TRAF7: variants seen among roughly 807,000 people sequenced by gnomAD.
The protein encoded by TRAF7 is E3 ubiquitin-protein ligase TRAF7.
A neutral mutation model predicts 89.3 loss-of-function variants in TRAF7; 45 were observed. The observed-to-expected ratio is 0.50, with a 90% CI of 0.40 to 0.65. TRAF7 has a LOEUF of 0.65. Ranked by LOEUF, TRAF7 falls within the 30% of genes least tolerant of loss-of-function variation. The probability of loss-of-function intolerance (pLI) is 0.00; values close to 1 mark genes in which losing one functional copy is unlikely to be tolerated. For synonymous variants in TRAF7, 406 were observed against 369.2 expected (o/e 1.10, Z -1.14); for missense variants, 677 against 918.1 (o/e 0.74, Z 3.39).
Position 2,176,066 on chromosome 16 carries a change from C to G in TRAF7, c.1764C>G (p.Ser588=), listed in dbSNP as rs1027725870. ...ENLIHVWDIE[S]KEQVRTLTGH... is the part of the protein sequence containing the mutation. ...CCTCCCAGGTGTGGGACATTGAGTC[C>G]AAGGAGCAGGTGCGGACCCTCACGG... The change falls in exon 19 of 21, where the codon TCC becomes TCG. Residue 588 remains serine (S), a synonymous_variant. Coordinates refer to ENST00000326181, the MANE Select transcript of TRAF7 (RefSeq NM_032271.3). The G allele has an allele frequency of 6.2e-7, 1 of 1,609,022 alleles. No individual in the cohort carries two copies. Among genetic ancestry groups the G allele is most frequent in the Non-Finnish European group, 8.5e-7 (1 of 1,177,474 alleles).
chr16:2,175,040 G>A (rs1458463116), intron 14 of TRAF7, 71 bp from the exon 15 acceptor site: 4 of 1,599,490 alleles, frequency 2.5e-6, no homozygotes, highest in Admixed American at 1.7e-5. Flanking sequence ...CATGGACCTC[G>A]GGCCCTGCCA....
chr16:2,168,209 C>A lies in TRAF7; in HGVS notation c.231+41C>A. 1.3e-6 allele frequency: 2 copies of A among 1,533,620 alleles called. No homozygotes were observed. The highest frequency in any genetic ancestry group is 1.4e-5 in the African/African-American group (1 of 72,994). Reference sequence around the variant, plus strand: ...CAGGAGCCCGTGTGAGCCTCAGCCTCCCCCCATCCTCCCTCCTGGGGGAAC... The same window carrying A: ...CAGGAGCCCGTGTGAGCCTCAGCCTACCCCCATCCTCCCTCCTGGGGGAAC... On this transcript the variant is annotated intron_variant, in intron 4 of 20. Coordinates refer to ENST00000326181, the MANE Select transcript of TRAF7 (RefSeq NM_032271.3). The surrounding 1 kb of genome is among the most constrained non-coding windows in gnomAD (Gnocchi z 4.1).
chr16:2,171,116 GC>G (rs1399616878), intron 5 of TRAF7, 147 bp from the exon 6 acceptor site: 16 of 659,864 alleles, frequency 2.4e-5, no homozygotes, highest in Non-Finnish European at 3.4e-5. Context: ...CCCCGATCAA[GC>G]CCCCCAGCTC....
intron 20 of TRAF7, 21 bp downstream of exon 20, chr16:2,176,405 CCATT>C (rs2093136873): frequency 6.2e-7 from 1 of 1,610,714 alleles, no homozygotes; most frequent in Admixed American, 1.7e-5. Flanking sequence ...GTGGCTCAGG[CCATT>C]CAAAGGGGCT....
Position 2,168,007 on chromosome 16 carries a change from G to A in TRAF7, c.140-70G>A. The A allele has an allele frequency of 6.8e-7, 1 of 1,469,954 alleles. No homozygotes were observed. The highest frequency in any genetic ancestry group is 9.4e-7 in the Non-Finnish European group (1 of 1,065,550). The allele number at this position is 1,469,954 out of a possible 1,614,324, so 91.1% of individuals were successfully genotyped here. A position where few individuals can be genotyped will look rare whatever the true frequency, so the allele number is the denominator to read the frequency against. ...GGGGACCCACAGGGTCGGGTATCCA[G>A]CATGGGCCCCACCTCCCCCACATCT... On this transcript the variant is annotated intron_variant, in intron 3 of 20. Transcript: ENST00000326181. The surrounding 1 kb of genome is among the most constrained non-coding windows in gnomAD (Gnocchi z 4.1).
chr16:2,175,802 C>T (rs2141296593), intron 17 of TRAF7, 32 bp from the exon 18 acceptor site: 2 of 1,610,198 alleles, frequency 1.2e-6, no homozygotes, highest in East Asian at 2.2e-5. Context: ...AAGCACCTGG[C>T]CTGGGACCAA....
rs71384670 is a variant in TRAF7, at chr16:2,165,025, G to C, written c.82-854G>C. Among the ~76,000 whole-genome samples, 158 of 108,430 alleles carry C rather than the reference G, an allele frequency of 1.5e-3. 1 individual carries two copies. The highest frequency in any genetic ancestry group is 1.8e-3 in the Non-Finnish European group (102 of 58,022). 71.1% of individuals were successfully genotyped at this position (108,430 alleles called of 152,430 possible). A position where few individuals can be genotyped will look rare whatever the true frequency, so the allele number is the denominator to read the frequency against. ...GCCTGGCCTGGTCGCATGGTTAAGC[G>C]TGTGAGTGCTGCATGGCCTGGCCTG... On this transcript the variant is annotated intron_variant, in intron 2 of 20. Coordinates refer to ENST00000326181, the MANE Select transcript of TRAF7 (RefSeq NM_032271.3).
At chr16:2,160,069 C>G (rs538970617) in intron 1 of TRAF7, among the ~76,000 whole-genome samples, 12 of 152,298 alleles carry the variant, frequency 7.9e-5, no homozygotes, top group African/African-American at 2.9e-4. Context: ...CGAAGAGGGG[C>G]TGGGGTGGAG....
At chr16:2,155,914 G>A (rs1460361786) in intron 1 of TRAF7, 56 bp downstream of exon 1, 2 of 150,172 alleles carry the variant, frequency 1.3e-5, no homozygotes, top group Non-Finnish European at 3.0e-5. Context: ...ACCGCGCGGT[G>A]GGGCGGGATC....
In TRAF7 at chr16:2,164,139, GGTGTGTGTGT is replaced by G. The variant is rs376580813; in HGVS notation, c.81+150_81+159del. 52 of 544,444 alleles carry G rather than the reference GGTGTGTGTGT, an allele frequency of 9.6e-5. 1 individual carries two copies. Among genetic ancestry groups the G allele is most frequent in the South Asian group, 6.4e-4 (29 of 45,022 alleles). 33.7% of individuals were successfully genotyped at this position (544,444 alleles called of 1,614,324 possible). On this transcript the variant is annotated intron_variant, in intron 2 of 20. Coordinates refer to ENST00000326181, the MANE Select transcript of TRAF7 (RefSeq NM_032271.3). ...AGGGGAGCTCGGTGGGGGGGGGTGT[GGTGTGTGTGT>G]GTGTGTGTGTGCGCGCGCGCGCGCG...
rs1388017639 is a variant in TRAF7 at position 2,159,051 on chromosome 16, C to G, written c.-39+3193C>G. Among the ~76,000 whole-genome samples the G allele has an allele frequency of 2.0e-5, 3 of 152,220 alleles. No homozygotes were observed. The highest frequency in any genetic ancestry group is 4.4e-5 in the Non-Finnish European group (3 of 68,038). ...GGAAAAAAGGACTGAGAGATGTTGC[C>G]AGCCCCCAAGGGGTCGGAGGGGCAG... On this transcript the variant is annotated intron_variant, in intron 1 of 20. Coordinates refer to ENST00000326181, the MANE Select transcript of TRAF7 (RefSeq NM_032271.3). This position sits in a 1 kb window ranked among gnomAD's most constrained non-coding sequence, Gnocchi z 6.5.
intron 2 of TRAF7, among the ~76,000 whole-genome samples, chr16:2,164,356 T>C (rs35811): frequency 5.1e-3 from 525 of 102,210 alleles, no homozygotes; most frequent in Middle Eastern, 0.024. Flanking sequence ...GCGGCCTGGT[T>C]GCATGGTTAA....
chr16:2,173,859 T>TGGCGGCCCCCCC, intron 12 of TRAF7, 23 bp downstream of exon 12: 1 of 1,246,254 alleles, frequency 8.0e-7, no homozygotes, highest in Non-Finnish European at 1.1e-6. Context: ...CCGCCGTGGC[T>TGGCGGCCCCCCC]CCCGCCCACC....
At position 2,172,064 on chromosome 16, in the gene TRAF7, G is replaced by A. The variant is rs532916323; in HGVS notation, c.476-127G>A. On this transcript the variant is annotated intron_variant, in intron 7 of 20. Coordinates refer to ENST00000326181, the MANE Select transcript of TRAF7 (RefSeq NM_032271.3). ...TTCTTGGTGGCCCACCTGTGCCCCC[G>A]TTCCCATGTTGCGTGCCTCAGAGGC... 31 of 1,135,890 alleles carry A rather than the reference G, an allele frequency of 2.7e-5. No homozygotes were observed. In the East Asian group the frequency reaches 3.3e-4, roughly 12 times the overall value. The allele number at this position is 1,135,890 out of a possible 1,614,324, so 70.4% of individuals were successfully genotyped here.
intron 1 of TRAF7, among the ~76,000 whole-genome samples, chr16:2,157,264 C>T (rs765427158): frequency 3.3e-5 from 5 of 152,112 alleles, no homozygotes; most frequent in Non-Finnish European, 5.9e-5. Flanking sequence ...GTGGAAGCCT[C>T]GGGCCCCGTG....
intron 4 of TRAF7, among the ~76,000 whole-genome samples, chr16:2,169,751 C>T (rs978020095): frequency 3.3e-5 from 5 of 152,236 alleles, no homozygotes; most frequent in African/African-American, 2.4e-5. Flanking sequence ...TCCATGCAGA[C>T]GGGCCCTTGG....
Position 2,174,418 on chromosome 16 carries a change from G to A in TRAF7, c.1346+85G>A, listed in dbSNP as rs967490684. ...CCCGTGGGCCGTGAGCCATGAGCTCGAGCCTGTGTAGCTATGTGTGTGCCC... is the reference window on the plus strand; with the variant it reads ...CCCGTGGGCCGTGAGCCATGAGCTCAAGCCTGTGTAGCTATGTGTGTGCCC... On this transcript the variant is annotated intron_variant, in intron 14 of 20. Coordinates refer to ENST00000326181, the MANE Select transcript of TRAF7 (RefSeq NM_032271.3). 7.1e-5 allele frequency: 97 copies of A among 1,370,622 alleles called. 1 individual carries two copies. Among genetic ancestry groups the A allele is most frequent in the Admixed American group, 3.1e-4 (16 of 52,090 alleles). The allele number at this position is 1,370,622 out of a possible 1,614,324, so 84.9% of individuals were successfully genotyped here. A position where few individuals can be genotyped will look rare whatever the true frequency, so the allele number is the denominator to read the frequency against.
intron 1 of TRAF7, among the ~76,000 whole-genome samples, chr16:2,156,248 C>T (rs1351047405): frequency 2.0e-5 from 3 of 152,122 alleles, no homozygotes; most frequent in Non-Finnish European, 4.4e-5. Flanking sequence ...CCACGCGGCC[C>T]GGGTCGCTTT....
chr16:2,177,575 A>G lies in TRAF7; in HGVS notation c.*1001A>G. 1 of 236,142 alleles carries G rather than the reference A, an allele frequency of 4.2e-6. No individual in the cohort carries two copies. The allele number at this position is 236,142 out of a possible 1,614,324, so 14.6% of individuals were successfully genotyped here. On this transcript the variant is annotated 3_prime_UTR_variant, in exon 21 of 21. Coordinates refer to ENST00000326181, the MANE Select transcript of TRAF7 (RefSeq NM_032271.3). ...CACAACACAGCCTTGGACCATGAGC[A>G]GAAGCGTCCGTGGGAACTCCACTGG... is the stretch of plus-strand genomic sequence containing the variant.
Sources: gnomAD v4.1 joint callset for allele counts (sites outside exome capture counted in the v4.1 genomes callset) on GRCh38, gnomAD v4.1.1 for gene constraint, Gnocchi (gnomAD v3.1) non-coding constraint, MANE v1.5 for transcripts, NCBI Gene and HGNC (gene_info 2026-07-23, HGNC 2026-07-21) for gene names.